MFSD1: variants seen among roughly 807,000 people sequenced by gnomAD.
The protein encoded by MFSD1 is major facilitator superfamily domain containing 1, also known as lysosomal dipeptide transporter MFSD1.
A neutral mutation model predicts 67.1 loss-of-function variants in MFSD1; 59 were observed. The observed-to-expected ratio is 0.88, with a 90% CI of 0.71 to 1.09. The LOEUF (loss-of-function observed/expected upper bound fraction) is 1.09. Ranked by LOEUF, MFSD1 falls within the 50% of genes least tolerant of loss-of-function variation. MFSD1 has a pLI of 0.00. For missense variants in MFSD1, 552 were observed against 566.1 expected (o/e 0.97, Z 0.25); for synonymous variants, 213 against 200.3 (o/e 1.06, Z -0.54).
chr3:158,814,488 T>A (rs930411777), intron 7 of MFSD1, among the ~76,000 whole-genome samples: 1 of 151,860 alleles, frequency 6.6e-6, no homozygotes, highest in Non-Finnish European at 1.5e-5. Context: ...GCCTGGCTAA[T>A]TTTTGTATTT....
At chr3:158,810,592 G>GTC (rs1443105833) in intron 6 of MFSD1, among the ~76,000 whole-genome samples, 2 of 152,090 alleles carry the variant, frequency 1.3e-5, no homozygotes, top group Non-Finnish European at 2.9e-5. Context: ...ATCTCTTTTA[G>GTC]TCTCCATAGG....
At chr3:158,806,174 G>A (rs1286584175) in intron 3 of MFSD1, among the ~76,000 whole-genome samples, 2 of 152,156 alleles carry the variant, frequency 1.3e-5, no homozygotes, top group East Asian at 3.8e-4. Context: ...AACTTTAAGA[G>A]TTTACACCTG....
rs1731180147 is a variant in MFSD1, at chr3:158,829,113, T to C, written c.*131T>C. 1.3e-6 allele frequency: 1 copy of C among 766,718 alleles called. No individual in the cohort carries two copies. The highest frequency in any genetic ancestry group is 2.0e-6 in the Non-Finnish European group (1 of 501,384). 47.5% of individuals were successfully genotyped at this position (766,718 alleles called of 1,614,324 possible). On this transcript the variant is annotated 3_prime_UTR_variant, in exon 16 of 16. Coordinates refer to ENST00000415822, the MANE Select transcript of MFSD1 (RefSeq NM_022736.4). ...GGAAAGTTATATTTATATCCAAATA[T>C]ACCTATTTCAAAGTGTATTTGTGAG...
intron 13 of MFSD1, 21 bp downstream of exon 13, chr3:158,824,257 C>T: frequency 6.6e-7 from 1 of 1,519,402 alleles, no homozygotes; most frequent in Non-Finnish European, 9.1e-7. Flanking sequence ...CGTATGACAA[C>T]ATTTTGTTTC....
chr3:158,827,427 T>G, intron 15 of MFSD1, 90 bp downstream of exon 15: 1 of 728,588 alleles, frequency 1.4e-6, no homozygotes. Context: ...GAAGTTTTTT[T>G]TTTTTTTTTT....
Position 158,819,711 on chromosome 3 carries a change from G to C in MFSD1, c.715G>C (p.Ala239Pro), listed in dbSNP as rs927738117. The C allele has an allele frequency of 6.8e-6, 11 of 1,610,006 alleles. No individual in the cohort carries two copies. The African/African-American group carries it at 1.3e-4, about 20-fold the overall frequency. ...ALALAYLDQR[A>P]ERILHKEQGK... ...GGCTCTTGCCTACTTGGATCAGAGA[G>C]CAGAGAGAATCCTTCATAAAGAACA... The change falls in exon 8 of 16, where the codon GCA becomes CCA. Residue 239 changes from alanine to proline, a missense_variant. Transcript: ENST00000415822.
At chr3:158,802,350 A>G in intron 1 of MFSD1, 35 bp downstream of exon 1, 1 of 1,609,522 alleles carries the variant, frequency 6.2e-7, no homozygotes, top group Non-Finnish European at 8.5e-7. Flanking sequence ...CTGATCTTTA[A>G]GGAATTCCCG....
chr3:158,814,415 G>A (rs1730209480), intron 7 of MFSD1, among the ~76,000 whole-genome samples: 1 of 152,056 alleles, frequency 6.6e-6, no homozygotes. Context: ...CTGCCTCCCA[G>A]GGTCAAGCAA....
chr3:158,822,834 CTT>C (rs1730747451), intron 11 of MFSD1: 2 of 154,688 alleles, frequency 1.3e-5, no homozygotes, highest in Admixed American at 1.3e-4. Context: ...TACAATGTGA[CTT>C]TTTTTAGTAT....
intron 4 of MFSD1, 140 bp downstream of exon 4, chr3:158,807,222 A>G (rs1576898107): frequency 2.1e-6 from 2 of 954,790 alleles, no homozygotes; most frequent in Admixed American, 2.2e-5. Context: ...GATATAATCC[A>G]TAGTCTATTT....
At chr3:158,827,378 A>G in intron 15 of MFSD1, 41 bp downstream of exon 15, 2 of 1,161,228 alleles carry the variant, frequency 1.7e-6, no homozygotes, top group Non-Finnish European at 2.4e-6. Flanking sequence ...TATTTTTGAA[A>G]TCTTAAATAT....
chr3:158,808,386 C>T (rs1172298582), intron 5 of MFSD1, among the ~76,000 whole-genome samples: 5 of 151,900 alleles, frequency 3.3e-5, no homozygotes, highest in African/African-American at 9.7e-5. Flanking sequence ...GGAGGAGAAT[C>T]GTAAATATTG....
At position 158,805,426 on chromosome 3, in the gene MFSD1, T is replaced by G; in HGVS notation, c.281T>G (p.Val94Gly). 6.2e-7 allele frequency: 1 copy of G among 1,614,064 alleles called. No homozygotes were observed. The highest frequency in any genetic ancestry group is 8.5e-7 in the Non-Finnish European group (1 of 1,179,950). ...LYAWYSWPNV[V>G]LCFFGGFLID... ...GCCTGGTATTCTTGGCCCAATGTAG[T>G]TTTGTGTTTCTTTGGTGGCTTTTTG... The change falls in exon 3 of 16, where the codon GTT becomes GGT. Residue 94 changes from valine to glycine, a missense_variant. Val to Gly is a moderately radical substitution (Grantham distance 109). Transcript: ENST00000415822.
chr3:158,826,232 T>C (rs559849575), intron 14 of MFSD1, among the ~76,000 whole-genome samples, 170 bp downstream of exon 14: 22 of 152,306 alleles, frequency 1.4e-4, no homozygotes, highest in Admixed American at 5.9e-4. Context: ...TTTCTGGGCC[T>C]TCATATTTAT....
intron 2 of MFSD1, 22 bp downstream of exon 2, chr3:158,804,393 GTTTCTTTTGT>G: frequency 6.2e-7 from 1 of 1,601,312 alleles, no homozygotes; most frequent in Non-Finnish European, 8.5e-7. Flanking sequence ...TTTCACTCTT[GTTTCTTTTGT>G]TTTCTTTAGA....
chr3:158,827,926 G>GAC, intron 15 of MFSD1, among the ~76,000 whole-genome samples: 1 of 79,296 alleles, frequency 1.3e-5, no homozygotes, highest in South Asian at 3.8e-4. Flanking sequence ...GAGAGAGAGA[G>GAC]AGAGAGAGAG....
At position 158,820,310 on chromosome 3, in the gene MFSD1, T is replaced by G. The variant is rs761896132; in HGVS notation, c.847T>G (p.Phe283Val). ...CTGCTATTATGTTGCTGTGTTCCCTTTTATTGGACTTGGGAAGTGAGTATT... is the reference window on the plus strand; with the variant it reads ...CTGCTATTATGTTGCTGTGTTCCCTGTTATTGGACTTGGGAAGTGAGTATT... ...CVCYYVAVFP[F>V]IGLGKVFFTE... The change falls in exon 9 of 16, where the codon TTT (phenylalanine) becomes GTT (valine). Residue 283 changes from phenylalanine to valine, a missense_variant. Transcript: ENST00000415822. The G allele has an allele frequency of 3.1e-6, 5 of 1,606,212 alleles. No individual in the cohort carries two copies. The highest frequency in any genetic ancestry group is 4.3e-6 in the Non-Finnish European group (5 of 1,173,104).
chr3:158,824,315 C>T (rs1730843185), intron 13 of MFSD1, 79 bp downstream of exon 13: 2 of 1,013,986 alleles, frequency 2.0e-6, no homozygotes, highest in East Asian at 4.8e-5. Context: ...GCATAGCTCC[C>T]AGATTTGCCT....
chr3:158,825,805 C>T (rs1271513085), intron 13 of MFSD1, among the ~76,000 whole-genome samples: 1 of 152,162 alleles, frequency 6.6e-6, no homozygotes, highest in Non-Finnish European at 1.5e-5. Flanking sequence ...TCTGGCCTGC[C>T]ACCCCTGGGC....
Sources: gnomAD v4.1 joint callset for allele counts (sites outside exome capture counted in the v4.1 genomes callset) on GRCh38, gnomAD v4.1.1 for gene constraint, MANE v1.5 for transcripts, NCBI Gene and HGNC (gene_info 2026-07-23, HGNC 2026-07-21) for gene names.